CHST9: variants seen among roughly 807,000 people sequenced by gnomAD.
CHST9 encodes the protein carbohydrate sulfotransferase 9, also known as GalNAc-4-sulfotransferase 2.
CHST9 carries 41 observed loss-of-function variants against 44.4 expected under a neutral mutation model. That is an observed-to-expected ratio of 0.92 (90% CI 0.72 to 1.20). CHST9 has a LOEUF of 1.20. CHST9 is among the 50% of genes most tolerant of loss of function. CHST9 has a pLI of 0.00. For missense variants in CHST9, 504 were observed against 516.5 expected, an observed-to-expected ratio of 0.98 and a Z score of 0.23; for synonymous variants, 171 against 178.4, an observed-to-expected ratio of 0.96 and a Z score of 0.33.
At chr18:27,075,058 G>A (rs2057887697) in intron 2 of CHST9, among the ~76,000 whole-genome samples, 3 of 150,774 alleles carry the variant, frequency 2.0e-5, no homozygotes, top group Admixed American at 2.0e-4. Flanking sequence ...GTAGATCACT[G>A]ATAAAGAAAA....
chr18:26,952,325 A>T lies in CHST9; in HGVS notation c.203-7959T>A, dbSNP rs1214052701. On this transcript the variant is annotated intron_variant, in intron 4 of 5. Coordinates refer to ENST00000618847, the MANE Select transcript of CHST9 (RefSeq NM_031422.6). ...AATCCCCATTGTGGATCTCAACTCCACCAACTATGTCCTCAGGCAGGTAGG... is the reference window on the plus strand; with the variant it reads ...AATCCCCATTGTGGATCTCAACTCCTCCAACTATGTCCTCAGGCAGGTAGG... 3 of 511,092 alleles carry T rather than the reference A, an allele frequency of 5.9e-6. No homozygotes were observed. In the East Asian group the frequency reaches 1.6e-4, roughly 28 times the overall value. The allele number at this position is 511,092 out of a possible 1,614,324, so 31.7% of individuals were successfully genotyped here.
intron 2 of CHST9, among the ~76,000 whole-genome samples, chr18:27,072,959 G>A (rs1261455800): frequency 6.6e-6 from 1 of 152,104 alleles, no homozygotes. Flanking sequence ...TTACATTTCA[G>A]GATCTACCAA....
intron 3 of CHST9, among the ~76,000 whole-genome samples, chr18:27,043,184 C>A (rs1467974726): frequency 6.6e-6 from 1 of 151,934 alleles, no homozygotes; most frequent in Non-Finnish European, 1.5e-5. Context: ...TGGGGATGTT[C>A]TAAGGATTCA....
chr18:27,161,649 C>T (rs2058748022), intron 1 of CHST9, among the ~76,000 whole-genome samples: 1 of 151,860 alleles, frequency 6.6e-6, no homozygotes, highest in Non-Finnish European at 1.5e-5. Context: ...GAGCTGAGTT[C>T]AATTCCTGGA....
At chr18:26,992,548 A>C (rs1043834939) in intron 4 of CHST9, among the ~76,000 whole-genome samples, 1 of 152,158 alleles carries the variant, frequency 6.6e-6, no homozygotes, top group Non-Finnish European at 1.5e-5. Context: ...TTCAATCACT[A>C]TCCCTTGTTT....
chr18:27,025,380 A>G (rs1227277510), intron 3 of CHST9, among the ~76,000 whole-genome samples: 11 of 151,896 alleles, frequency 7.2e-5, no homozygotes, highest in African/African-American at 2.4e-4. Flanking sequence ...ACCTAGTCTC[A>G]GTGTGACTCA....
At chr18:27,048,625 G>C (rs1394140139) in intron 2 of CHST9, 122 bp from the exon 3 acceptor site, 3 of 715,906 alleles carry the variant, frequency 4.2e-6, no homozygotes, top group Non-Finnish European at 4.6e-6. Flanking sequence ...TGTCCAGTGT[G>C]CTCCTAGAGA....
At chr18:27,109,801 T>C (rs2058254438) in intron 2 of CHST9, among the ~76,000 whole-genome samples, 1 of 152,138 alleles carries the variant, frequency 6.6e-6, no homozygotes, top group South Asian at 2.1e-4. Context: ...TGTGCCCCAG[T>C]TACCTAGGTG....
chr18:27,005,273 A>G (rs1388329603), intron 4 of CHST9, among the ~76,000 whole-genome samples: 1 of 152,226 alleles, frequency 6.6e-6, no homozygotes, highest in Admixed American at 6.5e-5. Flanking sequence ...TTACATGTCA[A>G]GCTTTTAGCA....
At chr18:27,084,677 T>C (rs986984130) in intron 2 of CHST9, among the ~76,000 whole-genome samples, 1 of 152,026 alleles carries the variant, frequency 6.6e-6, no homozygotes, top group African/African-American at 2.4e-5. Context: ...TGGTTATTTC[T>C]TTTCTTCTGC....
At position 27,015,666 on chromosome 18, in the gene CHST9, C is replaced by T. The variant is rs1184844402; in HGVS notation, c.202+8450G>A. ...AGAGGGTTATGTAGGGGCTTCTATA[C>T]TCCAATAGACTAGGCTGACCAAAGG... On this transcript the variant is annotated intron_variant, in intron 4 of 5. Coordinates refer to ENST00000618847, the MANE Select transcript of CHST9 (RefSeq NM_031422.6). 5.9e-5 allele frequency among the ~76,000 whole-genome samples: 9 copies of T among 152,270 alleles called. No individual in the cohort carries two copies. In the East Asian group the frequency reaches 1.7e-3, roughly 29 times the overall value.
At chr18:27,092,897 G>T (rs1227390626) in intron 2 of CHST9, among the ~76,000 whole-genome samples, 1 of 152,168 alleles carries the variant, frequency 6.6e-6, no homozygotes, top group Non-Finnish European at 1.5e-5. Flanking sequence ...AGTGCGGTGT[G>T]GTGCCGAGAA....
In CHST9 at chr18:27,162,196, C is replaced by A. The variant is rs184384094; in HGVS notation, c.-96-19291G>T. 5.3e-5 allele frequency among the ~76,000 whole-genome samples: 8 copies of A among 152,262 alleles called. No homozygotes were observed. The East Asian group carries it at 1.4e-3, about 26-fold the overall frequency. The stretch of plus-strand genomic sequence containing the variant: ...TGCTCATTAGTTGATGCAGTTTCTT[C>A]CTAGCCTTGATGGTCTTTACAATTT... On this transcript the variant is annotated intron_variant, in intron 1 of 5. Transcript: ENST00000618847.
rs551371311 is a variant in CHST9 at position 26,907,887 on chromosome 18, A to C, written c.*8372T>G. ...GATGAACCTTGAGGACATTATGCTA[A>C]GAGAAATACGCCAGTCACAAAAAGA... On this transcript the variant is annotated 3_prime_UTR_variant, in exon 6 of 6. Coordinates refer to ENST00000618847, the MANE Select transcript of CHST9 (RefSeq NM_031422.6). 8 of 180,570 alleles carry C rather than the reference A, an allele frequency of 4.4e-5. No individual in the cohort carries two copies. The East Asian group carries it at 4.8e-4, about 11-fold the overall frequency. 11.2% of individuals were successfully genotyped at this position (180,570 alleles called of 1,614,324 possible).
At chr18:26,983,291 T>G (rs1598614794) in intron 4 of CHST9, among the ~76,000 whole-genome samples, 1 of 152,208 alleles carries the variant, frequency 6.6e-6, no homozygotes, top group African/African-American at 2.4e-5. Flanking sequence ...CCACCAAATC[T>G]CATGTTAAAA....
At chr18:27,036,036 A>G (rs769013985) in intron 3 of CHST9, among the ~76,000 whole-genome samples, 1 of 152,316 alleles carries the variant, frequency 6.6e-6, no homozygotes, top group Non-Finnish European at 1.5e-5. Flanking sequence ...AATTTGGAAA[A>G]AAATAAAAAT....
At chr18:27,032,826 A>C (rs2057354962) in intron 3 of CHST9, among the ~76,000 whole-genome samples, 1 of 152,226 alleles carries the variant, frequency 6.6e-6, no homozygotes, top group Non-Finnish European at 1.5e-5. Flanking sequence ...TGAAGGTCAT[A>C]GGACTCATAA....
intron 1 of CHST9, among the ~76,000 whole-genome samples, chr18:27,178,014 C>T (rs2058882057): frequency 6.6e-6 from 1 of 151,942 alleles, no homozygotes; most frequent in African/African-American, 2.4e-5. Flanking sequence ...CCCATTGCAC[C>T]ACTATACTCG....
chr18:27,159,154 T>C (rs2058724181), intron 1 of CHST9, among the ~76,000 whole-genome samples: 1 of 147,812 alleles, frequency 6.8e-6, no homozygotes, highest in South Asian at 2.1e-4. Flanking sequence ...TTGCCATTGC[T>C]TTGGTGTTTT....
Sources: allele counts gnomAD v4.1 joint callset (sites outside exome capture counted in the v4.1 genomes callset), GRCh38; gene constraint gnomAD v4.1.1; transcripts MANE v1.5; gene names NCBI Gene and HGNC (gene_info 2026-07-23, HGNC 2026-07-21).